NCAM2: variants seen among roughly 807,000 people sequenced by gnomAD.
NCAM2 encodes the protein N-CAM-2.
Under a neutral mutation model 98.1 loss-of-function variants are expected in NCAM2, and 30 were observed. The observed-to-expected ratio is 0.31, with a 90% confidence interval of 0.23 to 0.41. The LOEUF (loss-of-function observed/expected upper bound fraction) is 0.41, where lower values mean the gene tolerates loss of function less well. Among genes scored for constraint, NCAM2 ranks in the 10% least tolerant of loss-of-function variants. The pLI is 1.00. For synonymous variants in NCAM2, 368 were observed against 342.4 expected, an observed-to-expected ratio of 1.07 and a Z score of -0.83; for missense variants, 867 against 1,005.8, an observed-to-expected ratio of 0.86 and a Z score of 1.87.
intron 8 of NCAM2, among the ~76,000 whole-genome samples, chr21:21,364,859 A>T (rs142573356): frequency 6.6e-6 from 1 of 152,130 alleles, no homozygotes; most frequent in Non-Finnish European, 1.5e-5. Flanking sequence ...TAGAACTTCC[A>T]TAATGGATGA....
At chr21:21,318,879 C>A (rs1215117582) in intron 5 of NCAM2, among the ~76,000 whole-genome samples, 1 of 152,104 alleles carries the variant, frequency 6.6e-6, no homozygotes, top group East Asian at 1.9e-4. Flanking sequence ...ATGTCTCTTA[C>A]ATGTAATGTC....
At chr21:21,106,815 A>G (rs1460824688) in intron 1 of NCAM2, among the ~76,000 whole-genome samples, 1 of 152,030 alleles carries the variant, frequency 6.6e-6, no homozygotes, top group African/African-American at 2.4e-5. Flanking sequence ...TTTCAAATAA[A>G]CCATAGGCTA....
chr21:21,364,827 A>C (rs2075745775), intron 8 of NCAM2, among the ~76,000 whole-genome samples: 1 of 152,152 alleles, frequency 6.6e-6, no homozygotes, highest in African/African-American at 2.4e-5. Flanking sequence ...CTATGGAACT[A>C]GTGACAATTT....
intron 1 of NCAM2, among the ~76,000 whole-genome samples, chr21:21,093,343 A>G (rs924482306): frequency 1.3e-5 from 2 of 152,084 alleles, no homozygotes; most frequent in Non-Finnish European, 2.9e-5. Context: ...GGACATTGTC[A>G]TTAATCCAAG....
intron 8 of NCAM2, among the ~76,000 whole-genome samples, chr21:21,348,900 T>G (rs534066506): frequency 6.6e-6 from 1 of 152,086 alleles, no homozygotes; most frequent in East Asian, 1.9e-4. Context: ...AGAACAAAAC[T>G]TGACCCCTGT....
chr21:21,482,782 T>TTAAG (rs1014169077), intron 15 of NCAM2, among the ~76,000 whole-genome samples: 503 of 10,712 alleles, frequency 0.047, 1 homozygote, highest in African/African-American at 0.28. Flanking sequence ...TTTTCATTTT[T>TTAAG]TCTTATTAAA....
intron 5 of NCAM2, among the ~76,000 whole-genome samples, chr21:21,298,232 C>T (rs1303729617): frequency 1.3e-5 from 2 of 151,674 alleles, no homozygotes; most frequent in Admixed American, 6.6e-5. Context: ...GAATGTAAAG[C>T]ATATACAAGT....
At chr21:21,281,678 T>C (rs1038610863) in intron 2 of NCAM2, among the ~76,000 whole-genome samples, 1 of 151,986 alleles carries the variant, frequency 6.6e-6, no homozygotes, top group Non-Finnish European at 1.5e-5. Context: ...AACTATGATA[T>C]ACCTAAATAA....
intron 6 of NCAM2, among the ~76,000 whole-genome samples, chr21:21,333,759 T>C (rs948546006): frequency 6.6e-6 from 1 of 151,680 alleles, no homozygotes; most frequent in Non-Finnish European, 1.5e-5. Context: ...ACCGTGCTAT[T>C]ATTATTATTA....
chr21:21,261,873 C>T (rs1057317833), intron 1 of NCAM2, among the ~76,000 whole-genome samples: 1 of 151,878 alleles, frequency 6.6e-6, no homozygotes, highest in Non-Finnish European at 1.5e-5. Context: ...GGAAGAAATG[C>T]ATGAAACTGA....
In NCAM2 at chr21:21,245,850, A is replaced by G. The variant is rs979901270; in HGVS notation, c.56-34728A>G. On this transcript the variant is annotated intron_variant, in intron 1 of 17. Transcript: ENST00000400546. ...ATGGCAGATGGTTAGTGAGAGAGAT[A>G]AGGAAGATGAGGATAAGGAAGAGAA... is the stretch of plus-strand genomic sequence containing the variant. Among the ~76,000 whole-genome samples, 15 of 2,620 alleles carry G rather than the reference A, an allele frequency of 5.7e-3. 2 individuals are homozygous for G. The Admixed American group carries it at 0.094, about 16-fold the overall frequency. The allele number at this position is 2,620 out of a possible 152,430, so 1.7% of individuals were successfully genotyped here. A position where few individuals can be genotyped will look rare whatever the true frequency, so the allele number is the denominator to read the frequency against.
intron 1 of NCAM2, among the ~76,000 whole-genome samples, chr21:21,207,569 G>T (rs979768254): frequency 6.6e-6 from 1 of 151,912 alleles, no homozygotes; most frequent in African/African-American, 2.4e-5. Flanking sequence ...ATAAGGTCCT[G>T]ACTATTGGGA....
intron 1 of NCAM2, among the ~76,000 whole-genome samples, chr21:21,130,663 T>C (rs2066915418): frequency 6.6e-6 from 1 of 152,148 alleles, no homozygotes; most frequent in African/African-American, 2.4e-5. Flanking sequence ...AATGTCAACA[T>C]TCATATCTGA....
chr21:21,338,025 A>G (rs563867358), intron 7 of NCAM2, among the ~76,000 whole-genome samples: 2 of 152,048 alleles, frequency 1.3e-5, no homozygotes, highest in African/African-American at 4.8e-5. Context: ...ACACATATGC[A>G]CCCATATGCA....
At chr21:21,273,334 A>G (rs1236364587) in intron 1 of NCAM2, among the ~76,000 whole-genome samples, 1 of 152,186 alleles carries the variant, frequency 6.6e-6, no homozygotes, top group African/African-American at 2.4e-5. Flanking sequence ...AAGAGAAGAA[A>G]ACAAAGAAGA....
In NCAM2 at chr21:21,121,506, A is replaced by T. The variant is rs148516917; in HGVS notation, c.55+122888A>T. Among the ~76,000 whole-genome samples, 315 of 152,294 alleles carry T rather than the reference A, an allele frequency of 2.1e-3. 5 individuals carry two copies. In the South Asian group the frequency reaches 0.026, roughly 13 times the overall value. On this transcript the variant is annotated intron_variant, in intron 1 of 17. Transcript: ENST00000400546. ...TAGCTGAATGTATGAATGACTTTGA[A>T]TTGGGCTCTAATTATGAAGGTAAAG...
intron 5 of NCAM2, among the ~76,000 whole-genome samples, chr21:21,316,175 AG>A (rs2074214398): frequency 6.6e-6 from 1 of 152,194 alleles, no homozygotes; most frequent in African/African-American, 2.4e-5. Flanking sequence ...AAAGATTTAT[AG>A]GGGAGAAAAA....
intron 1 of NCAM2, among the ~76,000 whole-genome samples, chr21:21,064,161 GGAGGCTTT>G (rs1465411574): frequency 6.6e-6 from 1 of 152,156 alleles, no homozygotes; most frequent in Non-Finnish European, 1.5e-5. Flanking sequence ...CATTGAATGT[GGAGGCTTT>G]GAGGCTGGAG....
intron 8 of NCAM2, among the ~76,000 whole-genome samples, chr21:21,368,236 T>C (rs1472275576): frequency 6.6e-6 from 1 of 151,960 alleles, no homozygotes; most frequent in African/African-American, 2.4e-5. Flanking sequence ...TAACATTTTA[T>C]ACCTAAAGGG....
Sources: gnomAD v4.1 joint callset for allele counts (sites outside exome capture counted in the v4.1 genomes callset) on GRCh38, gnomAD v4.1.1 for gene constraint, MANE v1.5 for transcripts, NCBI Gene and HGNC (gene_info 2026-07-23, HGNC 2026-07-21) for gene names.